Variants in ITPRIPL1 observed in about 807,000 individuals in gnomAD.
ITPRIPL1 encodes inositol 1,4,5-trisphosphate receptor-interacting protein-like 1.
ITPRIPL1 carries 28 observed loss-of-function variants against 40.0 expected under a neutral mutation model. The ratio of observed to expected loss-of-function variants is 0.70; its 90% CI spans 0.52 to 0.96. ITPRIPL1 has a LOEUF of 0.96. Ranked by LOEUF, ITPRIPL1 falls within the 40% of genes least tolerant of loss-of-function variation. The probability of loss-of-function intolerance (pLI) is 0.00; values close to 1 mark genes in which losing one functional copy is unlikely to be tolerated. For missense variants in ITPRIPL1, 638 were observed against 698.0 expected (o/e 0.91, Z 0.97); for synonymous variants, 251 against 275.7 (o/e 0.91, Z 0.89).
rs1225852684 is a variant in ITPRIPL1 at position 96,325,446 on chromosome 2, C to G, written c.-213C>G. Reference sequence around the variant, plus strand: ...TGGTCTATAACCCAGGAAAGGGGAGCAGGGCCACTCCCGCGGGCGGCCCCA... The same window carrying G: ...TGGTCTATAACCCAGGAAAGGGGAGGAGGGCCACTCCCGCGGGCGGCCCCA... On this transcript the variant is annotated 5_prime_UTR_variant, in exon 1 of 3. Coordinates refer to ENST00000439118, the MANE Select transcript of ITPRIPL1 (RefSeq NM_001008949.3). 1 of 304,804 alleles carries G rather than the reference C, an allele frequency of 3.3e-6. No homozygotes were observed. Among genetic ancestry groups the G allele is most frequent in the East Asian group, 8.1e-5 (1 of 12,288 alleles). 18.9% of individuals were successfully genotyped at this position (304,804 alleles called of 1,614,324 possible).
chr2:96,326,782 G>A lies in ITPRIPL1; in HGVS notation c.151G>A (p.Glu51Lys), dbSNP rs200845313. Residue 51 changes from glutamate to lysine, a missense_variant, in exon 3 of 3, where the codon GAG (glutamate) becomes AAG (lysine). Coordinates refer to ENST00000439118, the MANE Select transcript of ITPRIPL1 (RefSeq NM_001008949.3). ...SRQLEKRMSE[E>K]MRLLEMEFEE... ...GCAGCTGGAGAAGCGAATGAGTGAGGAGATGCGCCTGCTAGAGATGGAGTT... is the reference window on the plus strand; with the variant it reads ...GCAGCTGGAGAAGCGAATGAGTGAGAAGATGCGCCTGCTAGAGATGGAGTT... 125 of 1,614,084 alleles carry A rather than the reference G, an allele frequency of 7.7e-5. No homozygotes were observed. The highest frequency in any genetic ancestry group is 1.3e-4 in the Admixed American group (8 of 60,008).
chr2:96,326,668 A>G lies in ITPRIPL1; in HGVS notation c.37A>G (p.Ser13Gly), dbSNP rs1343482015. The change falls in exon 3 of 3, where the codon AGC becomes GGC. Residue 13 changes from serine (S) to glycine (G), a missense_variant. Coordinates refer to ENST00000439118, the MANE Select transcript of ITPRIPL1 (RefSeq NM_001008949.3). ...VDAEASMAVI[S>G]LLFLAVMYVV... is the part of the protein sequence containing the mutation. ...TGCAGAGGCCTCCATGGCTGTGATAAGCCTGCTGTTCTTGGCAGTGATGTA... is the reference window on the plus strand; with the variant it reads ...TGCAGAGGCCTCCATGGCTGTGATAGGCCTGCTGTTCTTGGCAGTGATGTA... 1 of 1,614,074 alleles carries G rather than the reference A, an allele frequency of 6.2e-7. No individual in the cohort carries two copies. The highest frequency in any genetic ancestry group is 8.5e-7 in the Non-Finnish European group (1 of 1,180,044).
chr2:96,327,933 C>A lies in ITPRIPL1; in HGVS notation c.1302C>A (p.Ser434Arg), dbSNP rs537953486. The A allele has an allele frequency of 5.0e-6, 8 of 1,614,090 alleles. No homozygotes were observed. In the South Asian group the frequency reaches 7.7e-5, roughly 16 times the overall value. ...QIILSLRQHQ[S>R]LPHGASRPIL... ...TTTTAAGTCTCCGGCAGCATCAGAG[C>A]TTACCCCATGGAGCATCCCGCCCCA... The change falls in exon 3 of 3, where the codon AGC (serine) becomes AGA (arginine). Residue 434 changes from serine to arginine, a missense_variant. Ser to Arg is a moderately radical substitution (Grantham distance 110). Transcript: ENST00000439118.
At chr2:96,326,443 A>G (rs2064107600) in intron 2 of ITPRIPL1, 199 bp from the exon 3 acceptor site, 2 of 1,549,750 alleles carry the variant, frequency 1.3e-6, no homozygotes, top group Admixed American at 3.8e-5. Flanking sequence ...TGAGTGGCAC[A>G]TCCTTTCGCC....
chr2:96,328,354 C>G, downstream of ITPRIPL1: 1 of 1,527,256 alleles, frequency 6.5e-7, no homozygotes, highest in South Asian at 1.3e-5. Context: ...CCTTGGGCTA[C>G]AAAAGTGTTT....
Position 96,325,373 on chromosome 2 carries a change from G to T in ITPRIPL1, c.-286G>T, listed in dbSNP as rs979036646. On this transcript the variant is annotated 5_prime_UTR_variant, in exon 1 of 3. Coordinates refer to ENST00000439118, the MANE Select transcript of ITPRIPL1 (RefSeq NM_001008949.3). ...CCCTCGGAGCCGCGTGCTGGGGGTC[G>T]TAGGGGCCCACCGCGCTCAGCCAGA... 1.3e-5 allele frequency: 2 copies of T among 158,322 alleles called. No individual in the cohort carries two copies. Among genetic ancestry groups the T allele is most frequent in the Non-Finnish European group, 2.8e-5 (2 of 72,012 alleles). 9.8% of individuals were successfully genotyped at this position (158,322 alleles called of 1,614,324 possible).
Position 96,328,048 on chromosome 2 carries a change from C to T in ITPRIPL1, c.1417C>T (p.Arg473Trp), listed in dbSNP as rs755732616. ...TDWAHNMLSQ[R>W]LQDILWFLGR... Reference sequence around the variant, plus strand: ...CTGGGCCCACAACATGCTCTCTCAGCGGCTCCAGGACATTCTCTGGTTCTT... The same window carrying T: ...CTGGGCCCACAACATGCTCTCTCAGTGGCTCCAGGACATTCTCTGGTTCTT... The change falls in exon 3 of 3, where the codon CGG becomes TGG. Residue 473 changes from arginine (R) to tryptophan (W), a missense_variant. Coordinates refer to ENST00000439118, the MANE Select transcript of ITPRIPL1 (RefSeq NM_001008949.3). The T allele has an allele frequency of 5.6e-6, 9 of 1,614,044 alleles. No homozygotes were observed. The highest frequency in any genetic ancestry group is 1.6e-4 in the Middle Eastern group (1 of 6,084).
chr2:96,326,690 TG>T lies in ITPRIPL1; in HGVS notation c.60del (p.Met20IlefsTer8), dbSNP rs1375017425. On this transcript the variant is annotated frameshift_variant, in exon 3 of 3. Coordinates refer to ENST00000439118, the MANE Select transcript of ITPRIPL1 (RefSeq NM_001008949.3). LOFTEE classifies it high-confidence loss of function. Reference sequence around the variant, plus strand: ...ATAAGCCTGCTGTTCTTGGCAGTGATGTATGTTGTTCACCACCCTCTGATGG... The same window carrying T: ...ATAAGCCTGCTGTTCTTGGCAGTGATTATGTTGTTCACCACCCTCTGATGG... ...AVISLLFLAV[M>X]YVVHHPLMVS... is the part of the protein sequence containing the mutation. The T allele has an allele frequency of 6.2e-7, 1 of 1,614,230 alleles. No homozygotes were observed. The highest frequency in any genetic ancestry group is 1.7e-5 in the Admixed American group (1 of 60,036).
Position 96,325,866 on chromosome 2 carries a change from G to C in ITPRIPL1, c.10+17G>C. On this transcript the variant is annotated intron_variant, in intron 2 of 2. Transcript: ENST00000439118. Reference sequence around the variant, plus strand: ...TGAATGTTGGTAAGCGCGGTAGCTTGTGAATTAGGGTGAGTGGCAGAAGCT... The same window carrying C: ...TGAATGTTGGTAAGCGCGGTAGCTTCTGAATTAGGGTGAGTGGCAGAAGCT... The C allele has an allele frequency of 6.2e-7, 1 of 1,613,572 alleles. No individual in the cohort carries two copies. Among genetic ancestry groups the C allele is most frequent in the Non-Finnish European group, 8.5e-7 (1 of 1,179,508 alleles).
chr2:96,326,586 A>G, intron 2 of ITPRIPL1, 56 bp from the exon 3 acceptor site: 1 of 1,610,402 alleles, frequency 6.2e-7, no homozygotes, highest in Non-Finnish European at 8.5e-7. Flanking sequence ...AATGTGAGCT[A>G]GAGAGCAGAT....
rs1476134707 is a variant in ITPRIPL1, at chr2:96,328,191, A to G, written c.1560A>G (p.Gln520=). ...ATGCTGAGCCGGTCAATCTCTTCCA[A>G]CACCTGGTGCTCAACCCCAAGGCAC... ...FRNAEPVNLF[Q]HLVLNPKAHS... is the part of the protein sequence containing the mutation. Residue 520 remains glutamine (Q), a synonymous_variant, in exon 3 of 3, where the codon CAA becomes CAG. Coordinates refer to ENST00000439118, the MANE Select transcript of ITPRIPL1 (RefSeq NM_001008949.3). 1.2e-6 allele frequency: 2 copies of G among 1,613,908 alleles called. No homozygotes were observed. Among genetic ancestry groups the G allele is most frequent in the Non-Finnish European group, 1.7e-6 (2 of 1,180,008 alleles).
chr2:96,328,003 C>G lies in ITPRIPL1; in HGVS notation c.1372C>G (p.Leu458Val), dbSNP rs1384875147. Reference protein sequence around the residue: ...HFKTALMHLLLRLPLTDWAHN... With the variant: ...HFKTALMHLLVRLPLTDWAHN... ...TAAAACAGCTCTCATGCACCTCTTG[C>G]TACGGCTGCCCCTCACGGACTGGGC... Residue 458 changes from leucine (L) to valine (V), a missense_variant, in exon 3 of 3, where the codon CTA becomes GTA. Transcript: ENST00000439118. 1 of 1,614,208 alleles carries G rather than the reference C, an allele frequency of 6.2e-7. No individual in the cohort carries two copies. The highest frequency in any genetic ancestry group is 1.7e-5 in the Admixed American group (1 of 60,030).
downstream of ITPRIPL1, chr2:96,329,126 A>AATCTGT (rs544895220): frequency 1.2e-3 from 167 of 137,790 alleles, no homozygotes; most frequent in African/African-American, 4.4e-3. Context: ...ACAGAGTGAG[A>AATCTGT]ATCTGTCTCA....
In ITPRIPL1 at chr2:96,326,790, C is replaced by A; in HGVS notation, c.159C>A (p.Arg53=). ...QLEKRMSEEM[R]LLEMEFEERK... is the part of the protein sequence containing the mutation. ...AGAAGCGAATGAGTGAGGAGATGCG[C>A]CTGCTAGAGATGGAGTTTGAAGAGA... Residue 53 remains arginine (R), a synonymous_variant, in exon 3 of 3, where the codon CGC becomes CGA. Transcript: ENST00000439118. The A allele has an allele frequency of 3.7e-6, 6 of 1,614,172 alleles. No individual in the cohort carries two copies. The highest frequency in any genetic ancestry group is 5.1e-6 in the Non-Finnish European group (6 of 1,180,036).
In ITPRIPL1 at chr2:96,328,193, A is replaced by G; in HGVS notation, c.1562A>G (p.His521Arg). The change falls in exon 3 of 3, where the codon CAC (histidine) becomes CGC (arginine). Residue 521 changes from histidine (H) to arginine (R), a missense_variant. Transcript: ENST00000439118. ...RNAEPVNLFQHLVLNPKAHSQ... is the reference protein window; with the variant it reads ...RNAEPVNLFQRLVLNPKAHSQ... ...GCTGAGCCGGTCAATCTCTTCCAACACCTGGTGCTCAACCCCAAGGCACAT... is the reference window on the plus strand; with the variant it reads ...GCTGAGCCGGTCAATCTCTTCCAACGCCTGGTGCTCAACCCCAAGGCACAT... 1 of 1,613,930 alleles carries G rather than the reference A, an allele frequency of 6.2e-7. No homozygotes were observed. Among genetic ancestry groups the G allele is most frequent in the Non-Finnish European group, 8.5e-7 (1 of 1,179,986 alleles).
chr2:96,330,293 A>AT (rs2104393572), downstream of ITPRIPL1: 1 of 142,982 alleles, frequency 7.0e-6, no homozygotes, highest in Admixed American at 7.0e-5. Flanking sequence ...CCAGAAGCTG[A>AT]TGCCAGTCAA....
downstream of ITPRIPL1, chr2:96,328,921 A>T (rs2064140959): frequency 6.6e-6 from 1 of 151,958 alleles, no homozygotes; most frequent in Admixed American, 6.6e-5. Flanking sequence ...GTATCGCCTG[A>T]GTTCAGGAGT....
chr2:96,325,492 A>C lies in ITPRIPL1; in HGVS notation c.-167A>C. 5.0e-6 allele frequency: 2 copies of C among 400,190 alleles called. No individual in the cohort carries two copies. The highest frequency in any genetic ancestry group is 4.6e-6 in the Non-Finnish European group (1 of 215,788). The allele number at this position is 400,190 out of a possible 1,614,324, so 24.8% of individuals were successfully genotyped here. Reference sequence around the variant, plus strand: ...CCCCAGCGATGAACCGGACGCCCCCACCCTGCCGGGAAAAAAGCAGTGGCG... The same window carrying C: ...CCCCAGCGATGAACCGGACGCCCCCCCCCTGCCGGGAAAAAAGCAGTGGCG... On this transcript the variant is annotated 5_prime_UTR_variant, in exon 1 of 3. Transcript: ENST00000439118.
At position 96,326,825 on chromosome 2, in the gene ITPRIPL1, C is replaced by A; in HGVS notation, c.194C>A (p.Ala65Asp). ...LEMEFEERKR[A>D]AEQRQKAENF... ...ATGGAGTTTGAAGAGAGAAAGCGAG[C>A]CGCTGAGCAGAGGCAGAAGGCAGAG... The change falls in exon 3 of 3, where the codon GCC (alanine) becomes GAC (aspartate). Residue 65 changes from alanine to aspartate, a missense_variant. Coordinates refer to ENST00000439118, the MANE Select transcript of ITPRIPL1 (RefSeq NM_001008949.3). 2 of 1,614,162 alleles carry A rather than the reference C, an allele frequency of 1.2e-6. No homozygotes were observed. Among genetic ancestry groups the A allele is most frequent in the Middle Eastern group, 1.6e-4 (1 of 6,062 alleles).
Sources: gnomAD v4.1 joint callset for allele counts on GRCh38, gnomAD v4.1.1 for gene constraint, MANE v1.5 for transcripts, NCBI Gene and HGNC (gene_info 2026-07-23, HGNC 2026-07-21) for gene names.